TMBIM6: variants seen among roughly 807,000 people sequenced by gnomAD.
TMBIM6 encodes the protein bax inhibitor 1.
A neutral mutation model predicts 31.4 loss-of-function variants in TMBIM6; 13 were observed. That is an observed-to-expected ratio of 0.41 (90% CI 0.27 to 0.66). The LOEUF (loss-of-function observed/expected upper bound fraction) is 0.66. Among genes scored for constraint, TMBIM6 ranks in the 30% least tolerant of loss-of-function variants. The pLI, the probability that TMBIM6 is intolerant of heterozygous loss-of-function variation, is 0.28. For missense variants in TMBIM6, 275 were observed against 289.5 expected (o/e 0.95, Z 0.36); for synonymous variants, 85 against 101.7 (o/e 0.84, Z 0.99).
At position 49,753,865 on chromosome 12, in the gene TMBIM6, A is replaced by G. The variant is rs145201843; in HGVS notation, c.165+784A>G. 2.6e-4 allele frequency among the ~76,000 whole-genome samples: 39 copies of G among 151,834 alleles called. No homozygotes were observed. The East Asian group carries it at 4.1e-3, about 16-fold the overall frequency. ...TCAATCCTTGTTATTCACAGACTCT[A>G]TATTTGTGAATTCACCTACTCATTA... is the stretch of plus-strand genomic sequence containing the variant. On this transcript the variant is annotated intron_variant, in intron 3 of 9. Transcript: ENST00000267115.
intron 1 of TMBIM6, chr12:49,743,598 G>A (rs544833744): frequency 6.6e-6 from 1 of 152,138 alleles, no homozygotes. Flanking sequence ...GCATTTTCAA[G>A]TTATTTTCCC....
At chr12:49,744,548 T>G (rs1945355622) in intron 1 of TMBIM6, 1 of 152,200 alleles carries the variant, frequency 6.6e-6, no homozygotes, top group African/African-American at 2.4e-5. Flanking sequence ...TTGAGGTAGG[T>G]TCCACTCTGA....
Position 49,758,364 on chromosome 12 carries a change from T to G in TMBIM6, c.336-19T>G. 1 of 1,614,014 alleles carries G rather than the reference T, an allele frequency of 6.2e-7. No individual in the cohort carries two copies. The highest frequency in any genetic ancestry group is 8.5e-7 in the Non-Finnish European group (1 of 1,179,896). ...CGTATACCTGTAGCCCTTAATCTAA[T>G]GGTCTTTTTTTCTAACAGCATCCTT... On this transcript the variant is annotated intron_variant, in intron 5 of 9. Transcript: ENST00000267115.
chr12:49,745,881 C>T (rs928285659), intron 1 of TMBIM6, among the ~76,000 whole-genome samples: 1 of 152,048 alleles, frequency 6.6e-6, no homozygotes, highest in African/African-American at 2.4e-5. Context: ...GCGTTCTGGG[C>T]ACATTTAAGG....
Position 49,758,462 on chromosome 12 carries a change from A to G in TMBIM6, c.415A>G (p.Ser139Gly). 6.2e-7 allele frequency: 1 copy of G among 1,614,212 alleles called. No individual in the cohort carries two copies. The highest frequency in any genetic ancestry group is 8.5e-7 in the Non-Finnish European group (1 of 1,180,044). ...TLSALYARRR[S>G]YLFLGGILMS... is the part of the protein sequence containing the mutation. ...CAGTGCACTCTATGCCAGGCGCCGT[A>G]GCTACCTCTTTCTGGGAGGTAAGTG... is the stretch of plus-strand genomic sequence containing the variant. Residue 139 changes from serine to glycine, a missense_variant, in exon 6 of 10, where the codon AGC (serine) becomes GGC (glycine). Coordinates refer to ENST00000267115, the MANE Select transcript of TMBIM6 (RefSeq NM_003217.3).
intron 1 of TMBIM6, among the ~76,000 whole-genome samples, chr12:49,745,353 A>T (rs1002246588): frequency 6.6e-6 from 1 of 152,128 alleles, no homozygotes; most frequent in Non-Finnish European, 1.5e-5. Flanking sequence ...AAAAGTACAG[A>T]CGGGCCCCAA....
In TMBIM6 at chr12:49,752,934, A is replaced by T. The variant is rs777635568; in HGVS notation, c.57-39A>T. On this transcript the variant is annotated intron_variant, in intron 2 of 9. Coordinates refer to ENST00000267115, the MANE Select transcript of TMBIM6 (RefSeq NM_003217.3). The stretch of plus-strand genomic sequence containing the variant: ...TCTTCTTAGCTTAAATATGAGATTG[A>T]TCTGGGACTGATTGCTCTTATTCAC... 11 of 1,566,428 alleles carry T rather than the reference A, an allele frequency of 7.0e-6. No individual in the cohort carries two copies. In the Admixed American group the frequency reaches 1.9e-4, roughly 27 times the overall value.
intron 9 of TMBIM6, among the ~76,000 whole-genome samples, chr12:49,762,315 G>C (rs1207316883): frequency 6.6e-6 from 1 of 152,188 alleles, no homozygotes; most frequent in Non-Finnish European, 1.5e-5. Flanking sequence ...TCTGGGCTAT[G>C]CCATGGTTGG....
intron 1 of TMBIM6, chr12:49,750,592 T>C (rs1003245999): frequency 6.6e-6 from 1 of 152,270 alleles, no homozygotes; most frequent in African/African-American, 2.4e-5. Flanking sequence ...TTGCACCATC[T>C]AGATCAAGAG....
rs1945491077 is a variant in TMBIM6, at chr12:49,751,369, T to G, written c.-30-1095T>G. On this transcript the variant is annotated intron_variant, in intron 1 of 9. Transcript: ENST00000267115. ...CTGTATGGTTAGGGAAAAAATATTT[T>G]TACATCTGTCTATATATTGCTATAT... 1.3e-5 allele frequency among the ~76,000 whole-genome samples: 2 copies of G among 152,138 alleles called. 1 individual carries two copies. The highest frequency in any genetic ancestry group is 4.1e-4 in the South Asian group (2 of 4,822).
chr12:49,760,986 T>C (rs530946276), intron 8 of TMBIM6, among the ~76,000 whole-genome samples: 2 of 151,616 alleles, frequency 1.3e-5, no homozygotes, highest in East Asian at 3.9e-4. Context: ...ATTACAGGCA[T>C]GCACCACCAT....
At chr12:49,745,926 A>G (rs1370520607) in intron 1 of TMBIM6, among the ~76,000 whole-genome samples, 1 of 152,166 alleles carries the variant, frequency 6.6e-6, no homozygotes, top group Admixed American at 6.5e-5. Flanking sequence ...AATGTTTGGT[A>G]GGTTATATGT....
intron 1 of TMBIM6, chr12:49,744,411 A>G (rs757931402): frequency 6.6e-6 from 1 of 152,120 alleles, no homozygotes; most frequent in Non-Finnish European, 1.5e-5. Context: ...TTGTTCCCCC[A>G]GAGTTTCTAA....
At chr12:49,749,775 G>A (rs1945462398) in intron 1 of TMBIM6, 1 of 152,150 alleles carries the variant, frequency 6.6e-6, no homozygotes, top group South Asian at 2.1e-4. Context: ...AATTTACAAT[G>A]GGTGTATCCA....
chr12:49,752,970 T>C lies in TMBIM6; in HGVS notation c.57-3T>C, dbSNP rs534707266. The stretch of plus-strand genomic sequence containing the variant: ...ATTGCTCTTATTCACATTCTTTTCT[T>C]AGAACCCCGTCAACGCAGCAGCACC... On this transcript the variant is annotated splice_polypyrimidine_tract_variant and splice_region_variant and intron_variant, in intron 2 of 9. Coordinates refer to ENST00000267115, the MANE Select transcript of TMBIM6 (RefSeq NM_003217.3). 8.6e-5 allele frequency: 138 copies of C among 1,613,266 alleles called. 1 individual carries two copies. The South Asian group carries it at 1.4e-3, about 17-fold the overall frequency.
intron 1 of TMBIM6, among the ~76,000 whole-genome samples, chr12:49,749,435 A>T (rs992649857): frequency 5.1e-4 from 69 of 136,412 alleles, no homozygotes; most frequent in African/African-American, 1.9e-3. Context: ...TTTGTAAGTC[A>T]TTTTTGTTTT....
At chr12:49,754,792 G>A (rs965721133) in intron 3 of TMBIM6, among the ~76,000 whole-genome samples, 1 of 152,124 alleles carries the variant, frequency 6.6e-6, no homozygotes, top group African/African-American at 2.4e-5. Flanking sequence ...GCTAATATGT[G>A]TTCATTTTAG....
At chr12:49,746,163 A>G (rs1224989906) in intron 1 of TMBIM6, among the ~76,000 whole-genome samples, 1 of 150,598 alleles carries the variant, frequency 6.6e-6, no homozygotes, top group East Asian at 2.0e-4. Context: ...GCTCACTGCA[A>G]CCTCCGCCTC....
chr12:49,761,902 C>A (rs2136965317), intron 9 of TMBIM6, 123 bp downstream of exon 9: 2 of 905,352 alleles, frequency 2.2e-6, no homozygotes, highest in Non-Finnish European at 3.3e-6. Context: ...GTAAGGCAGG[C>A]CACTGAGTAA....
Sources: allele counts gnomAD v4.1 joint callset (sites outside exome capture counted in the v4.1 genomes callset), GRCh38; gene constraint gnomAD v4.1.1; transcripts MANE v1.5; gene names NCBI Gene and HGNC (gene_info 2026-07-23, HGNC 2026-07-21).